UBE2W: variants seen among roughly 807,000 people sequenced by gnomAD.
UBE2W encodes the protein ubiquitin conjugating enzyme E2 W, also known as ubiquitin-conjugating enzyme E2 W.
A neutral mutation model predicts 27.2 loss-of-function variants in UBE2W; 18 were observed. The ratio of observed to expected loss-of-function variants is 0.66; its 90% confidence interval spans 0.46 to 0.98. The LOEUF is 0.98. UBE2W is among the 50% of genes least tolerant of loss of function. The pLI is 0.00. For synonymous variants in UBE2W, 53 were observed against 57.2 expected, an observed-to-expected ratio of 0.93 and a Z score of 0.33; for missense variants, 90 against 180.2, an observed-to-expected ratio of 0.50 and a Z score of 2.87.
At chr8:73,866,292 T>TATAA (rs1811768581) in intron 1 of UBE2W, among the ~76,000 whole-genome samples, 1 of 71,532 alleles carries the variant, frequency 1.4e-5, no homozygotes, top group Non-Finnish European at 2.5e-5. Flanking sequence ...AAAAAAAAAA[T>TATAA]ATATATATAT....
chr8:73,864,873 A>T (rs1811683432), intron 1 of UBE2W, among the ~76,000 whole-genome samples: 1 of 151,916 alleles, frequency 6.6e-6, no homozygotes, highest in Admixed American at 6.6e-5. Context: ...AAGTGCTGGG[A>T]TTACACGAAT....
intron 3 of UBE2W, among the ~76,000 whole-genome samples, chr8:73,817,558 G>A (rs1027266253): frequency 7.2e-5 from 11 of 151,758 alleles, no homozygotes; most frequent in Non-Finnish European, 2.9e-5. Context: ...TCGTTCTGTC[G>A]CCAGGCTGGA....
chr8:73,874,585 T>C (rs1392540989), intron 1 of UBE2W, among the ~76,000 whole-genome samples: 1 of 152,214 alleles, frequency 6.6e-6, no homozygotes, highest in East Asian at 1.9e-4. Flanking sequence ...AAAAGAATGC[T>C]TCTGCAGTTT....
At chr8:73,837,399 G>T (rs1810353941) in intron 1 of UBE2W, among the ~76,000 whole-genome samples, 1 of 152,054 alleles carries the variant, frequency 6.6e-6, no homozygotes, top group Non-Finnish European at 1.5e-5. Flanking sequence ...TGTAATCCCA[G>T]CTACTCAGGA....
downstream of UBE2W, among the ~76,000 whole-genome samples, chr8:73,785,907 T>G (rs1272212231): frequency 2.0e-5 from 3 of 151,952 alleles, no homozygotes; most frequent in Non-Finnish European, 4.4e-5. Flanking sequence ...CACAGACATG[T>G]TTCTTTGATA....
chr8:73,804,976 G>T (rs1808812333), intron 5 of UBE2W, among the ~76,000 whole-genome samples: 1 of 151,812 alleles, frequency 6.6e-6, no homozygotes, highest in African/African-American at 2.4e-5. Context: ...GCCCACCTCT[G>T]CCTCCCAAAG....
Position 73,805,472 on chromosome 8 carries a change from C to CAAAAAAAACAAAAAAA in UBE2W, c.442+178_442+179insTTTTTTTGTTTTTTTT, listed in dbSNP as rs1554579996. Among the ~76,000 whole-genome samples, 2 of 43,694 alleles carry CAAAAAAAACAAAAAAA rather than the reference C, an allele frequency of 4.6e-5. 1 individual carries two copies. The highest frequency in any genetic ancestry group is 9.9e-5 in the Non-Finnish European group (2 of 20,122). The allele number at this position is 43,694 out of a possible 152,430, so 28.7% of individuals were successfully genotyped here. A position where few individuals can be genotyped will look rare whatever the true frequency, so the allele number is the denominator to read the frequency against. On this transcript the variant is annotated intron_variant, in intron 5 of 5. Coordinates refer to ENST00000602593, the MANE Select transcript of UBE2W (RefSeq NM_018299.6). ...TCCATCTCAAAAAAAAAAAAAAAAA[C>CAAAAAAAACAAAAAAA]AAAAAAAACTAGGGTAATTCATCCA...
At chr8:73,865,576 C>T (rs1811719589) in intron 1 of UBE2W, among the ~76,000 whole-genome samples, 1 of 152,202 alleles carries the variant, frequency 6.6e-6, no homozygotes, top group African/African-American at 2.4e-5. Context: ...GGCACTACTG[C>T]ATACCCTAGC....
At chr8:73,859,175 C>T (rs1244855163) in intron 1 of UBE2W, among the ~76,000 whole-genome samples, 2 of 152,100 alleles carry the variant, frequency 1.3e-5, no homozygotes, top group East Asian at 3.8e-4. Flanking sequence ...AGACCAAACC[C>T]TCCTCTTCCT....
At chr8:73,816,665 C>T (rs1809399522) in intron 3 of UBE2W, among the ~76,000 whole-genome samples, 1 of 152,052 alleles carries the variant, frequency 6.6e-6, no homozygotes, top group Non-Finnish European at 1.5e-5. Flanking sequence ...AGACACTGTC[C>T]CCTTCCCTCT....
intron 1 of UBE2W, among the ~76,000 whole-genome samples, chr8:73,846,084 A>G (rs1261830990): frequency 6.6e-6 from 1 of 152,206 alleles, no homozygotes; most frequent in Non-Finnish European, 1.5e-5. Flanking sequence ...ACAGGCCCAC[A>G]GTTCCTTACG....
Position 73,791,371 on chromosome 8 carries a change from GCCT to G in UBE2W, c.*2728_*2730del. 1.0e-6 allele frequency: 1 copy of G among 980,450 alleles called. No homozygotes were observed. 60.7% of individuals were successfully genotyped at this position (980,450 alleles called of 1,614,324 possible). A position where few individuals can be genotyped will look rare whatever the true frequency, so the allele number is the denominator to read the frequency against. On this transcript the variant is annotated 3_prime_UTR_variant, in exon 6 of 6. Coordinates refer to ENST00000602593, the MANE Select transcript of UBE2W (RefSeq NM_018299.6). ...TAGAATTTGGCAAACCAGAAGAATG[GCCT>G]AAAAATAAATAAATAAATAAATAAA... is the stretch of plus-strand genomic sequence containing the variant.
At chr8:73,821,611 T>C (rs1419487849) in intron 3 of UBE2W, among the ~76,000 whole-genome samples, 1 of 140,650 alleles carries the variant, frequency 7.1e-6, no homozygotes, top group Non-Finnish European at 1.5e-5. Context: ...ACCAGTGAGA[T>C]AACTGTGCCT....
intron 3 of UBE2W, among the ~76,000 whole-genome samples, chr8:73,819,985 CTTTTT>C (rs370135879): frequency 6.6e-6 from 1 of 151,990 alleles, no homozygotes; most frequent in Non-Finnish European, 1.5e-5. Context: ...ACTTTTCTTT[CTTTTT>C]TTTATTAGAG....
At chr8:73,870,380 G>T in intron 1 of UBE2W, 1 of 1,332,314 alleles carries the variant, frequency 7.5e-7, no homozygotes, top group Non-Finnish European at 1.0e-6. Context: ...CTAGTGCAGG[G>T]ACTAGAAATC....
intron 1 of UBE2W, among the ~76,000 whole-genome samples, chr8:73,851,192 A>T (rs1811062197): frequency 6.9e-6 from 1 of 143,964 alleles, no homozygotes; most frequent in African/African-American, 2.7e-5. Flanking sequence ...ATGTTTCATT[A>T]TCTTTTTTTT....
chr8:73,788,551 A>G lies in UBE2W; in HGVS notation c.*5551T>C, dbSNP rs1808059157. On this transcript the variant is annotated 3_prime_UTR_variant, in exon 6 of 6. Coordinates refer to ENST00000602593, the MANE Select transcript of UBE2W (RefSeq NM_018299.6). ...TCTGTGGTTAACTATGAAAAGATGC[A>G]TTTTCATGGTATCTGACACAATTTA... 1 of 985,290 alleles carries G rather than the reference A, an allele frequency of 1.0e-6. No individual in the cohort carries two copies. Among genetic ancestry groups the G allele is most frequent in the African/African-American group, 1.7e-5 (1 of 57,246 alleles). The allele number at this position is 985,290 out of a possible 1,614,324, so 61.0% of individuals were successfully genotyped here. A position where few individuals can be genotyped will look rare whatever the true frequency, so the allele number is the denominator to read the frequency against.
rs1327464380 is a variant in UBE2W, at chr8:73,791,513, T to C, written c.*2589A>G. ...AGGAGGCAAGTAGCATATTCCTATA[T>C]ACATTTTCTTGATATTCTGGTTGTC... is the stretch of plus-strand genomic sequence containing the variant. On this transcript the variant is annotated 3_prime_UTR_variant, in exon 6 of 6. Coordinates refer to ENST00000602593, the MANE Select transcript of UBE2W (RefSeq NM_018299.6). 4 of 985,168 alleles carry C rather than the reference T, an allele frequency of 4.1e-6. No individual in the cohort carries two copies. The highest frequency in any genetic ancestry group is 4.8e-6 in the Non-Finnish European group (4 of 829,796). The allele number at this position is 985,168 out of a possible 1,614,324, so 61.0% of individuals were successfully genotyped here.
intron 1 of UBE2W, among the ~76,000 whole-genome samples, chr8:73,852,197 G>A (rs929131032): frequency 6.6e-5 from 10 of 152,040 alleles, no homozygotes; most frequent in South Asian, 2.1e-4. Context: ...ACAAAACAAC[G>A]GAACCAGCCA....
Sources: allele counts gnomAD v4.1 joint callset (sites outside exome capture counted in the v4.1 genomes callset), GRCh38; gene constraint gnomAD v4.1.1; transcripts MANE v1.5; gene names NCBI Gene and HGNC (gene_info 2026-07-23, HGNC 2026-07-21).